Variants in SLC25A53 observed in about 807,000 individuals in gnomAD.
SLC25A53 encodes mitochondrial carrier triple repeat protein 6.
A neutral mutation model predicts 15.0 loss-of-function variants in SLC25A53; 5 were observed. The observed-to-expected ratio is 0.33, with a 90% confidence interval of 0.17 to 0.70. The LOEUF (loss-of-function observed/expected upper bound fraction) is 0.70, where lower values mean the gene tolerates loss of function less well. Ranked by LOEUF, SLC25A53 falls within the 30% of genes least tolerant of loss-of-function variation. SLC25A53 has a pLI of 0.67. For missense variants in SLC25A53, 216 were observed against 241.6 expected, an observed-to-expected ratio of 0.89 and a Z score of 0.70; for synonymous variants, 95 against 100.0, an observed-to-expected ratio of 0.95 and a Z score of 0.30.
intron 1 of SLC25A53, among the ~76,000 whole-genome samples, chrX:104,145,917 C>T (rs1258152092): frequency 2.7e-5 from 3 of 112,080 alleles, no homozygotes; most frequent in Non-Finnish European, 5.6e-5. Flanking sequence ...TGAAACTATT[C>T]CAAACAACAG....
At chrX:104,146,869 C>T (rs1556369161) in intron 1 of SLC25A53, among the ~76,000 whole-genome samples, 1 of 110,976 alleles carries the variant, frequency 9.0e-6, no homozygotes, top group Non-Finnish European at 1.9e-5. Context: ...TGAAAATGGC[C>T]ATACAGCCCA....
intron 1 of SLC25A53, chrX:104,115,372 T>C: frequency 9.5e-7 from 1 of 1,057,947 alleles, no homozygotes; most frequent in Non-Finnish European, 1.3e-6. Context: ...CAGAGTCTGG[T>C]AATGGGAATA....
At chrX:104,147,834 C>T (rs1490622144) in intron 1 of SLC25A53, among the ~76,000 whole-genome samples, 3 of 109,365 alleles carry the variant, frequency 2.7e-5, no homozygotes. Context: ...GAAATAGGAA[C>T]ACTTTTACAC....
At position 104,101,947 on chromosome X, in the gene SLC25A53, A is replaced by G. The variant is rs1441075086; in HGVS notation, c.*2387T>C. On this transcript the variant is annotated 3_prime_UTR_variant, in exon 2 of 2. Coordinates refer to ENST00000594199, the MANE Select transcript of SLC25A53 (RefSeq NM_001012755.5). ...AAGGGACATGGATGGACAGAATGAC[A>G]TAAGTGGAAATCACCAGTGTACTTG... 7 of 112,526 alleles carry G rather than the reference A, an allele frequency of 6.2e-5. No individual in the cohort carries two copies. Among genetic ancestry groups the G allele is most frequent in the Admixed American group, 9.4e-5 (1 of 10,611 alleles). 9.3% of individuals were successfully genotyped at this position (112,526 alleles called of 1,213,427 possible). A position where few individuals can be genotyped will look rare whatever the true frequency, so the allele number is the denominator to read the frequency against.
intron 1 of SLC25A53, among the ~76,000 whole-genome samples, chrX:104,111,025 C>T (rs1486236486): frequency 8.9e-6 from 1 of 112,503 alleles, no homozygotes; most frequent in African/African-American, 3.2e-5. Flanking sequence ...CAGGAAGGAC[C>T]TCGGGTAGGA....
rs1442229314 is a variant in SLC25A53, at chrX:104,100,269, T to C, written c.*4065A>G. On this transcript the variant is annotated 3_prime_UTR_variant, in exon 2 of 2. Coordinates refer to ENST00000594199, the MANE Select transcript of SLC25A53 (RefSeq NM_001012755.5). The stretch of plus-strand genomic sequence containing the variant: ...TGTAGTTTATATTTAGAGAAAAATA[T>C]ATATCACGCATATATTGTGTTGTAT... 4 of 111,995 alleles carry C rather than the reference T, an allele frequency of 3.6e-5. No homozygotes were observed. The highest frequency in any genetic ancestry group is 2.8e-4 in the East Asian group (1 of 3,614). 9.2% of individuals were successfully genotyped at this position (111,995 alleles called of 1,213,427 possible).
chrX:104,129,856 A>ATGTGTG (rs1396046247), intron 1 of SLC25A53, among the ~76,000 whole-genome samples: 61 of 50,431 alleles, frequency 1.2e-3, no homozygotes, highest in Middle Eastern at 0.011. Context: ...ATCCACACAA[A>ATGTGTG]TGTATGTGTG....
chrX:104,121,544 G>A (rs2075392776), intron 1 of SLC25A53, among the ~76,000 whole-genome samples: 1 of 110,196 alleles, frequency 9.1e-6, no homozygotes, highest in Non-Finnish European at 1.9e-5. Context: ...TCACATTCAG[G>A]GCCCTTCCTC....
intron 1 of SLC25A53, among the ~76,000 whole-genome samples, chrX:104,105,535 A>G (rs2147861404): frequency 8.9e-6 from 1 of 112,552 alleles, no homozygotes; most frequent in South Asian, 3.7e-4. Flanking sequence ...CACAGCAAAT[A>G]TTCCAATATT....
chrX:104,137,540 A>C, intron 1 of SLC25A53, among the ~76,000 whole-genome samples: 1 of 111,316 alleles, frequency 9.0e-6, no homozygotes, highest in Non-Finnish European at 1.9e-5. Flanking sequence ...TAAATGTAAA[A>C]TAAAGCCAAC....
In SLC25A53 at chrX:104,099,997, G is replaced by T. The variant is rs1211861199; in HGVS notation, c.*4337C>A. 1 of 111,786 alleles carries T rather than the reference G, an allele frequency of 8.9e-6. No individual in the cohort carries two copies. The highest frequency in any genetic ancestry group is 2.8e-4 in the East Asian group (1 of 3,591). The allele number at this position is 111,786 out of a possible 1,213,427, so 9.2% of individuals were successfully genotyped here. A position where few individuals can be genotyped will look rare whatever the true frequency, so the allele number is the denominator to read the frequency against. ...GACACTGGAGAGTGAACAGACTAGA[G>T]AAATACAATATTTTTATCTTTTCTG... On this transcript the variant is annotated 3_prime_UTR_variant, in exon 2 of 2. Transcript: ENST00000594199.
intron 1 of SLC25A53, among the ~76,000 whole-genome samples, chrX:104,121,173 C>T (rs2075391809): frequency 8.9e-6 from 1 of 112,077 alleles, no homozygotes; most frequent in African/African-American, 3.2e-5. Context: ...GTTTGCTGGC[C>T]TCCTAAAACT....
intron 1 of SLC25A53, among the ~76,000 whole-genome samples, chrX:104,129,786 CTATA>C (rs1419333539): frequency 9.6e-6 from 1 of 104,102 alleles, no homozygotes; most frequent in Admixed American, 1.1e-4. Flanking sequence ...TAAGAATCAA[CTATA>C]TATATAAATA....
At chrX:104,112,350 G>C (rs2075350342) in intron 1 of SLC25A53, among the ~76,000 whole-genome samples, 1 of 113,365 alleles carries the variant, frequency 8.8e-6, no homozygotes, top group Non-Finnish European at 1.9e-5. Flanking sequence ...CCGTGCGTCC[G>C]AGCTGCTGAC....
In SLC25A53 at chrX:104,104,715, G is replaced by A. The variant is rs1556354816; in HGVS notation, c.543C>T (p.Val181=). The A allele has an allele frequency of 3.3e-6, 4 of 1,211,480 alleles. No homozygotes were observed. Among genetic ancestry groups the A allele is most frequent in the Non-Finnish European group, 4.5e-6 (4 of 895,402 alleles). The change falls in exon 2 of 2, where the codon GTC becomes GTT. Residue 181 remains valine (V), a synonymous_variant. Transcript: ENST00000594199. ...SLGYYRGFWP[V]LARNSLGSAL... is the part of the protein sequence containing the mutation. ...CACTCCCCAGGCTGTTCCTGGCCAG[G>A]ACAGGCCAGAAACCACGATAGTAGC...
chrX:104,154,227 A>G (rs1339322846), intron 1 of SLC25A53, among the ~76,000 whole-genome samples: 5 of 112,526 alleles, frequency 4.4e-5, no homozygotes, highest in African/African-American at 1.3e-4. Flanking sequence ...GCCAACAGGC[A>G]TAAGAAAAAA....
Position 104,104,328 on chromosome X carries a change from C to G in SLC25A53, c.*6G>C, listed in dbSNP as rs1341764953. The stretch of plus-strand genomic sequence containing the variant: ...TAACAAAGCTGCCATGCCACACTTT[C>G]TGCAGCTAGTCAGTCTTCAGCTCTT... On this transcript the variant is annotated 3_prime_UTR_variant, in exon 2 of 2. Coordinates refer to ENST00000594199, the MANE Select transcript of SLC25A53 (RefSeq NM_001012755.5). The G allele has an allele frequency of 2.5e-6, 3 of 1,202,270 alleles. No homozygotes were observed. The African/African-American group carries it at 5.3e-5, about 21-fold the overall frequency.
chrX:104,132,564 A>G (rs907606573), intron 1 of SLC25A53, among the ~76,000 whole-genome samples: 1 of 112,244 alleles, frequency 8.9e-6, no homozygotes, highest in Non-Finnish European at 1.9e-5. Flanking sequence ...GCTTCTAGTA[A>G]ATGACCAAAT....
At position 104,100,591 on chromosome X, in the gene SLC25A53, A is replaced by C; in HGVS notation, c.*3743T>G. Reference sequence around the variant, plus strand: ...ATTTTACAATATTGCCTAGGATTTCATATGAACCGATTTGAAAAACTCAAT... The same window carrying C: ...ATTTTACAATATTGCCTAGGATTTCCTATGAACCGATTTGAAAAACTCAAT... On this transcript the variant is annotated 3_prime_UTR_variant, in exon 2 of 2. Transcript: ENST00000594199. The C allele has an allele frequency of 8.9e-6, 1 of 112,284 alleles. No homozygotes were observed. The highest frequency in any genetic ancestry group is 4.6e-3 in the Middle Eastern group (1 of 219). 9.3% of individuals were successfully genotyped at this position (112,284 alleles called of 1,213,427 possible).
Sources: gnomAD v4.1 joint callset for allele counts (sites outside exome capture counted in the v4.1 genomes callset) on GRCh38, gnomAD v4.1.1 for gene constraint, MANE v1.5 for transcripts, NCBI Gene and HGNC (gene_info 2026-07-23, HGNC 2026-07-21) for gene names.